DOCK11: variants seen among roughly 807,000 people sequenced by gnomAD.
The protein encoded by DOCK11 is dedicator of cytokinesis protein 11.
In DOCK11, 70 loss-of-function variants were observed where a neutral mutation model predicts 169.1. The observed-to-expected ratio is 0.41, with a 90% CI of 0.34 to 0.51. DOCK11 has a LOEUF of 0.51. Among genes scored for constraint, DOCK11 ranks in the 20% least tolerant of loss-of-function variants. The probability of loss-of-function intolerance (pLI) is 0.10; values close to 1 mark genes in which losing one functional copy is unlikely to be tolerated. For missense variants in DOCK11, 1,166 were observed against 1,538.8 expected, an observed-to-expected ratio of 0.76 and a Z score of 4.05; for synonymous variants, 529 against 541.3, an observed-to-expected ratio of 0.98 and a Z score of 0.32.
intron 1 of DOCK11, among the ~76,000 whole-genome samples, chrX:118,534,888 C>T (rs1366954295): frequency 9.0e-6 from 1 of 111,186 alleles, no homozygotes; most frequent in Non-Finnish European, 1.9e-5. Flanking sequence ...TAATTTGATT[C>T]TTAACCACTT....
rs982279626 is a variant in DOCK11, at chrX:118,505,624, A to G, written c.102+9551A>G. Among the ~76,000 whole-genome samples, 6 of 112,358 alleles carry G rather than the reference A, an allele frequency of 5.3e-5. No homozygotes were observed. The Admixed American group carries it at 5.7e-4, about 11-fold the overall frequency. On this transcript the variant is annotated intron_variant, in intron 1 of 52. Coordinates refer to ENST00000276202, the MANE Select transcript of DOCK11 (RefSeq NM_144658.4). The stretch of plus-strand genomic sequence containing the variant: ...AGAACAAGCTGGCAGACCCCTCTGC[A>G]TGAGGTTCTTGCCAATACCCGTTCC...
At position 118,573,974 on chromosome X, in the gene DOCK11, T is replaced by C. The variant is rs1168319352; in HGVS notation, c.1345T>C (p.Tyr449His). 8.3e-7 allele frequency: 1 copy of C among 1,210,432 alleles called. No homozygotes were observed. The highest frequency in any genetic ancestry group is 1.7e-5 in the African/African-American group (1 of 57,286). Reference protein sequence around the residue: ...GSPKGSSPESYIHGIAESQLR... With the variant: ...GSPKGSSPESHIHGIAESQLR... ...CCCAAAGGGCTCTTCACCCGAATCTTACATTCATGGAATTGCCGAATCTCA... is the reference window on the plus strand; with the variant it reads ...CCCAAAGGGCTCTTCACCCGAATCTCACATTCATGGAATTGCCGAATCTCA... Residue 449 changes from tyrosine (Y) to histidine (H), a missense_variant, in exon 12 of 53, where the codon TAC becomes CAC. By Grantham distance (83) the Tyr-to-His change is moderately conservative. Transcript: ENST00000276202.
chrX:118,553,224 T>C (rs934162989), intron 6 of DOCK11, among the ~76,000 whole-genome samples: 17 of 112,225 alleles, frequency 1.5e-4, no homozygotes, highest in African/African-American at 4.9e-4. Flanking sequence ...TTATTCAACT[T>C]CTTTTCATAT....
chrX:118,542,909 T>C lies in DOCK11; in HGVS notation c.220-17T>C. 2 of 1,207,954 alleles carry C rather than the reference T, an allele frequency of 1.7e-6. No homozygotes were observed. Among genetic ancestry groups the C allele is most frequent in the South Asian group, 1.8e-5 (1 of 56,720 alleles). ...TTCAAGCCAGTTCTTACAGCAAAAA[T>C]GTTCTTTGTGTTCTAGATCTCGGTG... On this transcript the variant is annotated splice_polypyrimidine_tract_variant and intron_variant, in intron 2 of 52. Transcript: ENST00000276202.
chrX:118,639,496 G>A lies in DOCK11; in HGVS notation c.4063G>A (p.Ala1355Thr). The A allele has an allele frequency of 8.3e-7, 1 of 1,211,221 alleles. No individual in the cohort carries two copies. Among genetic ancestry groups the A allele is most frequent in the South Asian group, 1.8e-5 (1 of 56,902 alleles). ...GIDRKSQTMP[A>T]LRNRSGVMQA... Reference sequence around the variant, plus strand: ...AGACCGAAAATCGCAAACCATGCCTGCTCTTCGAAACAGATCAGGAGTAAT... The same window carrying A: ...AGACCGAAAATCGCAAACCATGCCTACTCTTCGAAACAGATCAGGAGTAAT... Residue 1355 changes from alanine to threonine, a missense_variant, in exon 38 of 53, where the codon GCT becomes ACT. Physicochemically the swap from Ala to Thr is moderately conservative, Grantham distance 58. Transcript: ENST00000276202.
intron 22 of DOCK11, among the ~76,000 whole-genome samples, 179 bp from the exon 23 acceptor site, chrX:118,598,960 G>T (rs2014252575): frequency 8.9e-6 from 1 of 111,995 alleles, no homozygotes; most frequent in South Asian, 3.7e-4. Flanking sequence ...CCATGTGCTT[G>T]TGTACATGGC....
chrX:118,529,735 G>T (rs1454171131), intron 1 of DOCK11, among the ~76,000 whole-genome samples: 2 of 111,660 alleles, frequency 1.8e-5, no homozygotes, highest in Non-Finnish European at 3.8e-5. Flanking sequence ...GTTTCAGAAG[G>T]TGCACTGAAT....
At chrX:118,511,052 C>T (rs1045845980) in intron 1 of DOCK11, among the ~76,000 whole-genome samples, 13 of 112,281 alleles carry the variant, frequency 1.2e-4, no homozygotes, top group African/African-American at 4.2e-4. Context: ...TGGCACAGAG[C>T]TTTGCTGTCC....
chrX:118,643,342 C>A, intron 39 of DOCK11, 115 bp from the exon 40 acceptor site: 1 of 753,891 alleles, frequency 1.3e-6, no homozygotes, highest in Non-Finnish European at 1.9e-6. Context: ...AAATTATATG[C>A]AAGAGCCTTT....
intron 46 of DOCK11, among the ~76,000 whole-genome samples, chrX:118,675,157 C>T (rs1030165730): frequency 1.7e-4 from 19 of 112,430 alleles, no homozygotes; most frequent in African/African-American, 5.2e-4. Context: ...CTTTGCACAA[C>T]GTGCTCTCTT....
rs754717464 is a variant in DOCK11 at position 118,499,889 on chromosome X, G to A, written c.102+3816G>A. ...TCCACCACGATCTGTACAAAAGACC[G>A]GTGCAGGTTGCTGTGAAGCCAGAGA... On this transcript the variant is annotated intron_variant, in intron 1 of 52. Coordinates refer to ENST00000276202, the MANE Select transcript of DOCK11 (RefSeq NM_144658.4). Among the ~76,000 whole-genome samples the A allele has an allele frequency of 5.6e-4, 62 of 111,558 alleles. 1 individual carries two copies. Among genetic ancestry groups the A allele is most frequent in the Non-Finnish European group, 8.7e-4 (46 of 53,132 alleles).
At chrX:118,540,800 T>G (rs2011963374) in intron 1 of DOCK11, among the ~76,000 whole-genome samples, 1 of 112,256 alleles carries the variant, frequency 8.9e-6, no homozygotes, top group African/African-American at 3.2e-5. Flanking sequence ...AAATACTATG[T>G]ACAAAAATAC....
At chrX:118,544,875 T>C (rs2012202832) in intron 4 of DOCK11, among the ~76,000 whole-genome samples, 1 of 106,001 alleles carries the variant, frequency 9.4e-6, no homozygotes. Flanking sequence ...TTCACCCTTT[T>C]GGCCAGGCTG....
chrX:118,552,052 A>AAAT (rs1556277309), intron 6 of DOCK11, among the ~76,000 whole-genome samples: 3 of 105,986 alleles, frequency 2.8e-5, no homozygotes, highest in African/African-American at 1.0e-4. Context: ...AAAAAAAAAA[A>AAAT]GGGAGGGAGG....
chrX:118,578,359 C>T (rs1038730343), intron 12 of DOCK11, among the ~76,000 whole-genome samples, 166 bp from the exon 13 acceptor site: 2 of 111,673 alleles, frequency 1.8e-5, no homozygotes, highest in Non-Finnish European at 3.8e-5. Context: ...TTGAAAGGAA[C>T]GTTGGAAGCT....
intron 37 of DOCK11, among the ~76,000 whole-genome samples, chrX:118,638,939 G>T (rs1287264203): frequency 1.8e-5 from 2 of 112,478 alleles, no homozygotes; most frequent in African/African-American, 6.5e-5. Flanking sequence ...TTTTTAAATG[G>T]AAACAACATT....
intron 1 of DOCK11, among the ~76,000 whole-genome samples, chrX:118,542,085 A>G (rs1437973719): frequency 8.9e-6 from 1 of 111,879 alleles, no homozygotes. Flanking sequence ...GCACACTTCC[A>G]AGTATGCCAC....
At chrX:118,655,812 C>T (rs897190630) in intron 44 of DOCK11, among the ~76,000 whole-genome samples, 13 of 112,082 alleles carry the variant, frequency 1.2e-4, no homozygotes, top group African/African-American at 3.6e-4. Flanking sequence ...AGTAACAATA[C>T]GGCAAAATGA....
intron 12 of DOCK11, among the ~76,000 whole-genome samples, chrX:118,576,097 T>C (rs1444718109): frequency 1.8e-5 from 2 of 112,007 alleles, no homozygotes; most frequent in African/African-American, 6.5e-5. Flanking sequence ...GACGGTAGGA[T>C]TTGAATTTAG....
Sources: gnomAD v4.1 joint callset for allele counts (sites outside exome capture counted in the v4.1 genomes callset) on GRCh38, gnomAD v4.1.1 for gene constraint, MANE v1.5 for transcripts, NCBI Gene and HGNC (gene_info 2026-07-23, HGNC 2026-07-21) for gene names.